The following TG variants were observed in gnomAD, a reference collection of about 807,000 sequenced individuals.
TG encodes thyroid hormones.
In TG, 270 loss-of-function variants were observed where a neutral mutation model predicts 324.7. That is an observed-to-expected ratio of 0.83 (90% confidence interval 0.75 to 0.92). TG has a LOEUF of 0.92. Among genes scored for constraint, TG ranks in the 40% least tolerant of loss-of-function variants. TG has a pLI of 0.00. For synonymous variants in TG, 1,401 were observed against 1,327.0 expected, an observed-to-expected ratio of 1.06 and a Z score of -1.21; for missense variants, 3,591 against 3,456.4, an observed-to-expected ratio of 1.04 and a Z score of -0.98.
intron 41 of TG, among the ~76,000 whole-genome samples, chr8:133,078,823 G>A (rs1845299383): frequency 6.6e-6 from 1 of 152,214 alleles, no homozygotes. Context: ...AGGACAGACG[G>A]GGAGAGAATT....
At position 133,002,441 on chromosome 8, in the gene TG, G is replaced by T. The variant is rs143740492; in HGVS notation, c.6263-9460G>T. The T allele has an allele frequency of 2.0e-5, 20 of 980,866 alleles. No homozygotes were observed. In the East Asian group the frequency reaches 2.2e-3, roughly 106 times the overall value. 60.8% of individuals were successfully genotyped at this position (980,866 alleles called of 1,614,324 possible). ...TCAATAAGCCGCCTCACATCTTTCA[G>T]CAAGAAATACATTAAATCTGAATAG... On this transcript the variant is annotated intron_variant, in intron 35 of 47. Transcript: ENST00000220616.
chr8:133,106,329 C>A (rs2131722145), intron 43 of TG: 2 of 888,042 alleles, frequency 2.3e-6, no homozygotes, highest in Middle Eastern at 5.8e-4. Context: ...CCAGTCGGCT[C>A]CTTACTGAGG....
At chr8:133,009,921 A>G (rs987246416) in intron 35 of TG, among the ~76,000 whole-genome samples, 2 of 152,210 alleles carry the variant, frequency 1.3e-5, no homozygotes, top group African/African-American at 2.4e-5. Context: ...AGCAACCAAA[A>G]CATGGCACTA....
At chr8:132,925,718 C>A (rs895808063) in intron 22 of TG, among the ~76,000 whole-genome samples, 1 of 152,120 alleles carries the variant, frequency 6.6e-6, no homozygotes, top group Non-Finnish European at 1.5e-5. Flanking sequence ...TACAACTTGC[C>A]CTGCGGCCCT....
chr8:133,060,373 C>T, intron 41 of TG: 2 of 1,530,148 alleles, frequency 1.3e-6, no homozygotes, highest in South Asian at 1.3e-5. Flanking sequence ...TTGCGCAGCT[C>T]AAGTTCTTTT....
chr8:133,019,841 G>C, intron 39 of TG, 146 bp downstream of exon 39: 1 of 679,978 alleles, frequency 1.5e-6, no homozygotes, highest in Non-Finnish European at 2.6e-6. Context: ...CACTCAGTTA[G>C]TGAGTGATCT....
intron 4 of TG, 41 bp from the exon 5 acceptor site, chr8:132,873,021 C>T: frequency 6.2e-7 from 1 of 1,606,118 alleles, no homozygotes; most frequent in Non-Finnish European, 8.5e-7. Context: ...AAATATGTGT[C>T]TACTCATATA....
At chr8:132,871,830 G>A (rs1255471997) in intron 4 of TG, among the ~76,000 whole-genome samples, 1 of 152,158 alleles carries the variant, frequency 6.6e-6, no homozygotes, top group Non-Finnish European at 1.5e-5. Flanking sequence ...GTCTCTAACT[G>A]TCACGTGTAT....
chr8:132,994,868 T>A, intron 35 of TG: 1 of 1,251,684 alleles, frequency 8.0e-7, no homozygotes, highest in Admixed American at 2.5e-5. Context: ...GTTATCTTGC[T>A]GTGATGGAGT....
At chr8:132,921,188 G>A (rs1821059235) in intron 21 of TG, among the ~76,000 whole-genome samples, 1 of 152,182 alleles carries the variant, frequency 6.6e-6, no homozygotes, top group African/African-American at 2.4e-5. Flanking sequence ...CATCACACTG[G>A]GGATTAGAGC....
chr8:133,011,315 A>G (rs1834487762), intron 35 of TG, among the ~76,000 whole-genome samples: 1 of 152,250 alleles, frequency 6.6e-6, no homozygotes, highest in African/African-American at 2.4e-5. Context: ...CTCTTAGATC[A>G]AAGACAATTC....
Position 132,908,081 on chromosome 8 carries a change from T to C in TG, c.3848-105T>C. 1.1e-5 allele frequency: 15 copies of C among 1,354,406 alleles called. No individual in the cohort carries two copies. In the South Asian group the frequency reaches 1.7e-4, roughly 15 times the overall value. The allele number at this position is 1,354,406 out of a possible 1,614,324, so 83.9% of individuals were successfully genotyped here. A position where few individuals can be genotyped will look rare whatever the true frequency, so the allele number is the denominator to read the frequency against. On this transcript the variant is annotated intron_variant, in intron 17 of 47. Transcript: ENST00000220616. ...AATGCAAAATGGCAGTGCTTATGTG[T>C]TTTGAGCTCAATGAGGAAGGGTTAT...
chr8:133,019,856 A>T (rs1468590798), intron 39 of TG, among the ~76,000 whole-genome samples, 161 bp downstream of exon 39: 1 of 152,180 alleles, frequency 6.6e-6, no homozygotes, highest in African/African-American at 2.4e-5. Context: ...TGATCTGTGG[A>T]CTTGGTCAGT....
At chr8:132,883,847 T>C (rs1162459413) in intron 8 of TG, among the ~76,000 whole-genome samples, 1 of 152,126 alleles carries the variant, frequency 6.6e-6, no homozygotes, top group East Asian at 1.9e-4. Flanking sequence ...CACCACAAAG[T>C]GGGCATCTGA....
chr8:132,963,894 C>A (rs1828138813), intron 29 of TG, among the ~76,000 whole-genome samples: 1 of 152,086 alleles, frequency 6.6e-6, no homozygotes. Context: ...TGACTACATG[C>A]CTTAGTGCAC....
At chr8:133,112,602 G>T (rs2131751581) in intron 43 of TG, among the ~76,000 whole-genome samples, 1 of 151,834 alleles carries the variant, frequency 6.6e-6, no homozygotes, top group Non-Finnish European at 1.5e-5. Context: ...GTGAGGGAAG[G>T]GAGAGAAAAG....
chr8:132,934,490 CT>C (rs1823268631), intron 24 of TG, among the ~76,000 whole-genome samples: 1 of 152,208 alleles, frequency 6.6e-6, no homozygotes, highest in East Asian at 1.9e-4. Context: ...CCCTGTCCTC[CT>C]CCAGTGGAAA....
At chr8:132,894,246 G>A (rs906029262) in intron 11 of TG, among the ~76,000 whole-genome samples, 1 of 152,028 alleles carries the variant, frequency 6.6e-6, no homozygotes, top group African/African-American at 2.4e-5. Flanking sequence ...CACCCCTTAC[G>A]GCCTGCTCCA....
At position 132,949,025 on chromosome 8, in the gene TG, T is replaced by A. The variant is rs1046956115; in HGVS notation, c.5401+82T>A. 7.5e-6 allele frequency: 10 copies of A among 1,327,230 alleles called. No individual in the cohort carries two copies. The African/African-American group carries it at 1.2e-4, about 16-fold the overall frequency. 82.2% of individuals were successfully genotyped at this position (1,327,230 alleles called of 1,614,324 possible). On this transcript the variant is annotated intron_variant, in intron 27 of 47. Transcript: ENST00000220616. ...CCCTCTGCTACTTTCTTATGAGCCC[T>A]CCTTGTGGCCTGAGGAGCTTATACT...
Sources: gnomAD v4.1 joint callset for allele counts (sites outside exome capture counted in the v4.1 genomes callset) on GRCh38, gnomAD v4.1.1 for gene constraint, MANE v1.5 for transcripts, NCBI Gene and HGNC (gene_info 2026-07-23, HGNC 2026-07-21) for gene names.